Variants in CMTM8 observed in about 807,000 individuals in gnomAD.
The protein encoded by CMTM8 is CKLF-like MARVEL transmembrane domain-containing protein 8.
Under a neutral mutation model 18.6 loss-of-function variants are expected in CMTM8, and 12 were observed. The observed-to-expected ratio is 0.65, with a 90% CI of 0.41 to 1.05. CMTM8 has a LOEUF of 1.05. CMTM8 is among the 50% of genes least tolerant of loss of function. The pLI, the probability that CMTM8 is intolerant of heterozygous loss-of-function variation, is 0.00. For missense variants in CMTM8, 217 were observed against 227.2 expected, an observed-to-expected ratio of 0.95 and a Z score of 0.29; for synonymous variants, 87 against 90.6, an observed-to-expected ratio of 0.96 and a Z score of 0.23.
At position 32,358,862 on chromosome 3, in the gene CMTM8, C is replaced by CTA. The variant is rs1696866564; in HGVS notation, c.321+1317_321+1318insAT. Among the ~76,000 whole-genome samples the CTA allele has an allele frequency of 6.6e-6, 1 of 152,150 alleles. No homozygotes were observed. The highest frequency in any genetic ancestry group is 6.5e-5 in the Admixed American group (1 of 15,280). ...TCAGATGGGCATCAGGAGGGAAAGACTCGCTTAGATGCTAGATTCAAAAAA... is the reference window on the plus strand; with the variant it reads ...TCAGATGGGCATCAGGAGGGAAAGACTATCGCTTAGATGCTAGATTCAAAAAA... On this transcript the variant is annotated intron_variant, in intron 2 of 3. Coordinates refer to ENST00000307526, the MANE Select transcript of CMTM8 (RefSeq NM_178868.5). The surrounding 1 kb of genome is among the most constrained non-coding windows in gnomAD (Gnocchi z 4.1).
intron 1 of CMTM8, among the ~76,000 whole-genome samples, chr3:32,343,582 C>G (rs986404014): frequency 6.6e-6 from 1 of 152,178 alleles, no homozygotes; most frequent in Non-Finnish European, 1.5e-5. Context: ...TCTTGTATCA[C>G]CATAGTTTCT....
At chr3:32,316,954 T>C (rs970252845) in intron 1 of CMTM8, among the ~76,000 whole-genome samples, 3 of 152,234 alleles carry the variant, frequency 2.0e-5, no homozygotes, top group African/African-American at 7.2e-5. Flanking sequence ...AAGCCAGCGT[T>C]TGGAAATTGA....
intron 1 of CMTM8, among the ~76,000 whole-genome samples, chr3:32,246,138 G>A (rs1702012247): frequency 6.6e-6 from 1 of 152,172 alleles, no homozygotes; most frequent in Non-Finnish European, 1.5e-5. Flanking sequence ...ATACTCTCTT[G>A]TAAACTACTC....
chr3:32,335,127 C>T (rs971059617), intron 1 of CMTM8, among the ~76,000 whole-genome samples: 4 of 152,132 alleles, frequency 2.6e-5, no homozygotes, highest in African/African-American at 9.7e-5. Flanking sequence ...TGGCCAGGGG[C>T]GAGAACTCTG....
At chr3:32,253,505 C>T (rs1050608891) in intron 1 of CMTM8, among the ~76,000 whole-genome samples, 2 of 151,562 alleles carry the variant, frequency 1.3e-5, no homozygotes, top group African/African-American at 2.4e-5. Flanking sequence ...CCATCATGCC[C>T]GGCTAATTAT....
At chr3:32,242,758 T>C (rs1701959832) in intron 1 of CMTM8, among the ~76,000 whole-genome samples, 3 of 152,238 alleles carry the variant, frequency 2.0e-5, no homozygotes, top group Admixed American at 1.3e-4. Context: ...TTTCTCCCAG[T>C]GTACTGGGCA....
intron 1 of CMTM8, among the ~76,000 whole-genome samples, chr3:32,306,247 G>A (rs1423488706): frequency 6.6e-6 from 1 of 152,172 alleles, no homozygotes; most frequent in African/African-American, 2.4e-5. Flanking sequence ...GCCTAAACTT[G>A]GTCACCTGAT....
chr3:32,267,720 TC>T (rs1484607282), intron 1 of CMTM8, among the ~76,000 whole-genome samples: 1 of 151,772 alleles, frequency 6.6e-6, no homozygotes, highest in Non-Finnish European at 1.5e-5. Flanking sequence ...AGGGCTAATA[TC>T]CAGAATCTAC....
At chr3:32,362,333 G>A (rs978409430) in intron 2 of CMTM8, among the ~76,000 whole-genome samples, 5 of 152,092 alleles carry the variant, frequency 3.3e-5, no homozygotes, top group African/African-American at 7.2e-5. Context: ...GAGAGCCACC[G>A]CACCTGGCCG....
intron 1 of CMTM8, among the ~76,000 whole-genome samples, chr3:32,342,408 G>C (rs1020651503): frequency 1.3e-5 from 2 of 152,214 alleles, no homozygotes; most frequent in African/African-American, 2.4e-5. Flanking sequence ...ATAGATGAAA[G>C]CAATTTGCCT....
At chr3:32,253,735 T>C (rs1028812512) in intron 1 of CMTM8, among the ~76,000 whole-genome samples, 1 of 152,180 alleles carries the variant, frequency 6.6e-6, no homozygotes, top group Non-Finnish European at 1.5e-5. Flanking sequence ...CAGGTCTTGC[T>C]ATGTTGCCCA....
chr3:32,346,163 A>G (rs1696590840), intron 1 of CMTM8, among the ~76,000 whole-genome samples: 1 of 152,174 alleles, frequency 6.6e-6, no homozygotes, highest in Admixed American at 6.6e-5. Context: ...TCAAAAAAAG[A>G]AAAGAAAAGA....
At chr3:32,260,253 T>C (rs1246674002) in intron 1 of CMTM8, 4 of 1,303,358 alleles carry the variant, frequency 3.1e-6, no homozygotes, top group Non-Finnish European at 4.4e-6. Context: ...AGGGTACCCT[T>C]TGGGGATCAG....
chr3:32,346,473 A>C (rs1240295914), intron 1 of CMTM8, among the ~76,000 whole-genome samples: 2 of 152,212 alleles, frequency 1.3e-5, no homozygotes, highest in Non-Finnish European at 2.9e-5. Context: ...TGCTGTAGAC[A>C]AAGTCCAAGA....
intron 1 of CMTM8, among the ~76,000 whole-genome samples, chr3:32,346,221 G>C (rs1261518808): frequency 6.6e-6 from 1 of 152,160 alleles, no homozygotes; most frequent in East Asian, 1.9e-4. Flanking sequence ...AATACCTGTA[G>C]ACCCAAAAGG....
intron 1 of CMTM8, among the ~76,000 whole-genome samples, chr3:32,347,089 A>G (rs1480735877): frequency 6.6e-6 from 1 of 152,122 alleles, no homozygotes; most frequent in African/African-American, 2.4e-5. Context: ...TCAGCCATCC[A>G]AAGTGCTGGG....
intron 1 of CMTM8, among the ~76,000 whole-genome samples, chr3:32,250,226 T>C (rs1267180058): frequency 6.6e-6 from 1 of 152,262 alleles, no homozygotes; most frequent in Admixed American, 6.5e-5. Flanking sequence ...ATTTGATTGA[T>C]GCACATCTCT....
intron 1 of CMTM8, among the ~76,000 whole-genome samples, chr3:32,331,152 A>G (rs951690830): frequency 2.6e-5 from 4 of 152,228 alleles, no homozygotes; most frequent in African/African-American, 7.2e-5. Flanking sequence ...AAAAACGGGG[A>G]AAGGACTTGA....
intron 1 of CMTM8, among the ~76,000 whole-genome samples, chr3:32,246,383 T>A (rs1702016097): frequency 6.6e-6 from 1 of 152,094 alleles, no homozygotes; most frequent in South Asian, 2.1e-4. Flanking sequence ...TCTGCGTCCC[T>A]CCACAGAAGA....
Sources: gnomAD v4.1 joint callset for allele counts (sites outside exome capture counted in the v4.1 genomes callset) on GRCh38, gnomAD v4.1.1 for gene constraint, Gnocchi (gnomAD v3.1) non-coding constraint, MANE v1.5 for transcripts, NCBI Gene and HGNC (gene_info 2026-07-23, HGNC 2026-07-21) for gene names.